Variants in NCOA1 observed in about 807,000 individuals in gnomAD.
NCOA1 encodes the protein nuclear receptor coactivator 1, also known as Hin-2 protein.
In NCOA1, 35 loss-of-function variants were observed where a neutral mutation model predicts 150.9. The observed-to-expected ratio is 0.23, with a 90% CI of 0.18 to 0.31. NCOA1 has a LOEUF of 0.31. NCOA1 is among the 10% of genes least tolerant of loss of function. The pLI is 1.00. For synonymous variants in NCOA1, 590 were observed against 630.0 expected (o/e 0.94, Z 0.95); for missense variants, 1,491 against 1,749.3 (o/e 0.85, Z 2.63).
At chr2:24,535,286 T>G (rs981390526) in intron 1 of NCOA1, among the ~76,000 whole-genome samples, 9 of 152,146 alleles carry the variant, frequency 5.9e-5, no homozygotes, top group African/African-American at 2.2e-4. Context: ...GCTTTTTTTT[T>G]GCTTTCCATT....
chr2:24,763,913 C>T (rs973354544), intron 22 of NCOA1, among the ~76,000 whole-genome samples: 2 of 152,122 alleles, frequency 1.3e-5, no homozygotes, highest in African/African-American at 2.4e-5. Context: ...TGAGCCACCA[C>T]GCCAGGCCAG....
chr2:24,499,919 C>G (rs1258110018), intron 1 of NCOA1, among the ~76,000 whole-genome samples: 1 of 152,118 alleles, frequency 6.6e-6, no homozygotes, highest in African/African-American at 2.4e-5. Context: ...TTTTGCCAAA[C>G]TGGTAGTAAT....
intron 10 of NCOA1, among the ~76,000 whole-genome samples, chr2:24,694,887 G>A (rs550744275): frequency 1.7e-3 from 252 of 151,848 alleles, no homozygotes; most frequent in Admixed American, 3.2e-3. Flanking sequence ...AGAGTCCATT[G>A]AAAAAGAAAA....
intron 19 of NCOA1, 113 bp downstream of exon 19, chr2:24,742,299 C>CTT: frequency 7.0e-6 from 9 of 1,283,132 alleles, no homozygotes; most frequent in Non-Finnish European, 9.5e-6. Flanking sequence ...AGGAAAGACA[C>CTT]TGACGTGGGA....
intron 1 of NCOA1, among the ~76,000 whole-genome samples, chr2:24,523,605 CAAAAAAA>C (rs979559677): frequency 1.6e-3 from 29 of 17,704 alleles, no homozygotes; most frequent in South Asian, 6.0e-3. Context: ...GACTCCGTCT[CAAAAAAA>C]AAAAAAAAAA....
chr2:24,693,235 C>T lies in NCOA1; in HGVS notation c.713-17C>T, dbSNP rs771545385. The T allele has an allele frequency of 1.4e-5, 22 of 1,610,076 alleles. No individual in the cohort carries two copies. Among genetic ancestry groups the T allele is most frequent in the South Asian group, 9.9e-5 (9 of 90,988 alleles). On this transcript the variant is annotated splice_polypyrimidine_tract_variant and intron_variant, in intron 9 of 22. Coordinates refer to ENST00000348332, the MANE Select transcript of NCOA1 (RefSeq NM_003743.5). The stretch of plus-strand genomic sequence containing the variant: ...TCTACTCTCTATCCTTCAATTTCCC[C>T]GTCTTGTTTTGGGCAGATTTCCAGT...
At chr2:24,654,800 A>G (rs1178015410) in intron 4 of NCOA1, among the ~76,000 whole-genome samples, 1 of 151,696 alleles carries the variant, frequency 6.6e-6, no homozygotes, top group East Asian at 1.9e-4. Flanking sequence ...ATGTTTCTCA[A>G]AAAGCAGTTA....
chr2:24,720,514 C>A (rs1480421028), intron 14 of NCOA1, among the ~76,000 whole-genome samples: 1 of 152,068 alleles, frequency 6.6e-6, no homozygotes, highest in Non-Finnish European at 1.5e-5. Context: ...TGTTTCACCT[C>A]GTGCTAATAT....
At chr2:24,501,774 A>G (rs957006510) in intron 1 of NCOA1, among the ~76,000 whole-genome samples, 2 of 152,084 alleles carry the variant, frequency 1.3e-5, no homozygotes, top group Non-Finnish European at 2.9e-5. Flanking sequence ...TTGTGAGTCT[A>G]TATATTTATC....
At chr2:24,647,527 G>A (rs756845625) in intron 4 of NCOA1, among the ~76,000 whole-genome samples, 1 of 152,100 alleles carries the variant, frequency 6.6e-6, no homozygotes, top group Admixed American at 6.5e-5. Flanking sequence ...ATAAGTGTTA[G>A]TATTCATTAT....
intron 1 of NCOA1, among the ~76,000 whole-genome samples, chr2:24,510,008 A>G (rs1663866992): frequency 6.6e-6 from 1 of 152,232 alleles, no homozygotes; most frequent in South Asian, 2.1e-4. Context: ...AATAGGAGTG[A>G]GGTTGGTACC....
intron 2 of NCOA1, among the ~76,000 whole-genome samples, chr2:24,569,552 AT>A (rs200639064): frequency 0.033 from 3,128 of 93,632 alleles, 61 homozygotes; most frequent in East Asian, 0.083. Context: ...GGTTTTATTA[AT>A]TTTTTTTTTT....
intron 3 of NCOA1, among the ~76,000 whole-genome samples, chr2:24,614,137 C>T (rs1668759654): frequency 6.9e-6 from 1 of 145,474 alleles, no homozygotes; most frequent in Non-Finnish European, 1.5e-5. Flanking sequence ...CATATATGCC[C>T]CAGGAGTATC....
Position 24,770,062 on chromosome 2 carries a change from C to G in NCOA1, c.*1671C>G, listed in dbSNP as rs1665247923. The G allele has an allele frequency of 4.4e-6, 1 of 229,384 alleles. No individual in the cohort carries two copies. Among genetic ancestry groups the G allele is most frequent in the Non-Finnish European group, 8.7e-6 (1 of 115,476 alleles). 14.2% of individuals were successfully genotyped at this position (229,384 alleles called of 1,614,324 possible). On this transcript the variant is annotated 3_prime_UTR_variant, in exon 23 of 23. Coordinates refer to ENST00000348332, the MANE Select transcript of NCOA1 (RefSeq NM_003743.5). ...CCATTGAACAGCATCTATTCAGAAA[C>G]TATGCCGAATAAAAAGATTGGTGGA...
rs578162351 is a variant in NCOA1, at chr2:24,766,931, G to C, written c.4156-1290G>C. 2.6e-4 allele frequency among the ~76,000 whole-genome samples: 40 copies of C among 152,186 alleles called. 2 individuals carry two copies. Among genetic ancestry groups the C allele is most frequent in the Admixed American group, 6.5e-4 (10 of 15,282 alleles). On this transcript the variant is annotated intron_variant, in intron 22 of 22. Coordinates refer to ENST00000348332, the MANE Select transcript of NCOA1 (RefSeq NM_003743.5). ...ATATAGGAGCTAGAAGCCACATTTG[G>C]GAAACTAGGGAAAGGGGAAGAGAAG...
rs1209658026 is a variant in NCOA1 at position 24,752,010 on chromosome 2, T to C, written c.3735T>C (p.Phe1245=). The change falls in exon 20 of 23, where the codon TTT becomes TTC. Residue 1245 remains phenylalanine, a synonymous_variant. Transcript: ENST00000348332. ...TGGTTCCCCAAGGTGAGGCCAACTT[T>C]GCTCCATCTCTAAGCCCTGGGAGCT... ...AGMVPQGEAN[F]APSLSPGSSM... is the part of the protein sequence containing the mutation. 5.0e-6 allele frequency: 8 copies of C among 1,613,608 alleles called. No homozygotes were observed. Among genetic ancestry groups the C allele is most frequent in the Non-Finnish European group, 5.9e-6 (7 of 1,179,776 alleles).
chr2:24,675,739 G>C (rs532853061), intron 7 of NCOA1, among the ~76,000 whole-genome samples: 72 of 152,190 alleles, frequency 4.7e-4, no homozygotes, highest in Non-Finnish European at 5.9e-4. Context: ...ATAAAAATTA[G>C]CCAGGCATGG....
intron 3 of NCOA1, among the ~76,000 whole-genome samples, chr2:24,612,939 T>C (rs1668694266): frequency 1.3e-5 from 2 of 152,152 alleles, no homozygotes; most frequent in Admixed American, 1.3e-4. Flanking sequence ...GATTATTGAG[T>C]GGTGTCACTA....
chr2:24,709,292 C>T (rs191466673), intron 13 of NCOA1, among the ~76,000 whole-genome samples: 74 of 152,194 alleles, frequency 4.9e-4, no homozygotes, highest in Non-Finnish European at 7.6e-4. Flanking sequence ...ATGCATATGT[C>T]CTTTTTCAGT....
Sources: gnomAD v4.1 joint callset for allele counts (sites outside exome capture counted in the v4.1 genomes callset) on GRCh38, gnomAD v4.1.1 for gene constraint, MANE v1.5 for transcripts, NCBI Gene and HGNC (gene_info 2026-07-23, HGNC 2026-07-21) for gene names.